The following MGAT4C variants were observed in gnomAD, a reference collection of about 807,000 sequenced individuals.
MGAT4C encodes MGAT4 family member C.
Under a neutral mutation model 40.1 loss-of-function variants are expected in MGAT4C, and 19 were observed. The observed-to-expected ratio is 0.47, with a 90% CI of 0.33 to 0.70. The LOEUF is 0.70. MGAT4C is among the 30% of genes least tolerant of loss of function. The pLI is 0.02. For missense variants in MGAT4C, 491 were observed against 563.2 expected (o/e 0.87, Z 1.30); for synonymous variants, 181 against 187.1 (o/e 0.97, Z 0.27).
chr12:86,498,787 G>A (rs1958285610), intron 2 of MGAT4C, among the ~76,000 whole-genome samples: 1 of 151,928 alleles, frequency 6.6e-6, no homozygotes, highest in Non-Finnish European at 1.5e-5. Flanking sequence ...ACAGGAAAAA[G>A]TGATCTCTCA....
At chr12:86,766,212 G>C (rs1951504863) in intron 1 of MGAT4C, among the ~76,000 whole-genome samples, 1 of 152,094 alleles carries the variant, frequency 6.6e-6, no homozygotes, top group East Asian at 1.9e-4. Context: ...GGCAGGGGTT[G>C]CAATCCTAGT....
chr12:86,355,295 C>T (rs11103938), intron 3 of MGAT4C, among the ~76,000 whole-genome samples: 5,297 of 152,250 alleles, frequency 0.035, 132 homozygotes, highest in Non-Finnish European at 0.047. Context: ...CAGAAATGTT[C>T]TCCAAGTCTC....
chr12:86,584,196 G>C (rs564476936), intron 2 of MGAT4C, among the ~76,000 whole-genome samples: 226 of 150,848 alleles, frequency 1.5e-3, no homozygotes, highest in African/African-American at 5.1e-3. Context: ...ACACAAATGA[G>C]AGATACAGAA....
At chr12:86,229,635 T>C (rs1951234663) in intron 1 of MGAT4C, among the ~76,000 whole-genome samples, 1 of 152,002 alleles carries the variant, frequency 6.6e-6, no homozygotes, top group African/African-American at 2.4e-5. Flanking sequence ...CATAGTTTCT[T>C]GGCCATAAGT....
intron 1 of MGAT4C, among the ~76,000 whole-genome samples, chr12:86,178,260 A>T (rs1887716581): frequency 6.6e-6 from 1 of 152,154 alleles, no homozygotes; most frequent in African/African-American, 2.4e-5. Flanking sequence ...TTGAAAAATA[A>T]TTTCACATTT....
intron 2 of MGAT4C, among the ~76,000 whole-genome samples, chr12:86,540,701 A>G (rs992397831): frequency 6.6e-6 from 1 of 152,070 alleles, no homozygotes; most frequent in Non-Finnish European, 1.5e-5. Flanking sequence ...GCACCACTGC[A>G]CTCCAGCCTG....
At chr12:86,321,511 A>G (rs1239388666) in intron 4 of MGAT4C, among the ~76,000 whole-genome samples, 1 of 152,202 alleles carries the variant, frequency 6.6e-6, no homozygotes, top group Non-Finnish European at 1.5e-5. Flanking sequence ...TAATTTTAAG[A>G]GCTAATGAGT....
At chr12:86,750,107 A>G (rs2136140363) in intron 1 of MGAT4C, among the ~76,000 whole-genome samples, 1 of 151,956 alleles carries the variant, frequency 6.6e-6, no homozygotes, top group South Asian at 2.1e-4. Context: ...TCTTGAGAAG[A>G]GTCTATTAAG....
intron 3 of MGAT4C, among the ~76,000 whole-genome samples, chr12:86,344,760 G>A (rs187760333): frequency 3.2e-5 from 4 of 125,668 alleles, no homozygotes; most frequent in Non-Finnish European, 7.7e-5. Flanking sequence ...GTGTGTATGT[G>A]TGTGTGTGTG....
At chr12:86,342,808 G>T (rs1456508168) in intron 3 of MGAT4C, among the ~76,000 whole-genome samples, 1 of 152,032 alleles carries the variant, frequency 6.6e-6, no homozygotes, top group African/African-American at 2.4e-5. Context: ...AATATTTGAT[G>T]AATGTAACTT....
chr12:86,810,934 CT>C (rs1309401386), intron 1 of MGAT4C, among the ~76,000 whole-genome samples: 1 of 151,086 alleles, frequency 6.6e-6, no homozygotes, highest in Non-Finnish European at 1.5e-5. Flanking sequence ...TGAATATTTC[CT>C]TCCTGCTTTT....
chr12:86,421,276 T>C (rs1176330000), intron 3 of MGAT4C, among the ~76,000 whole-genome samples: 1 of 152,316 alleles, frequency 6.6e-6, no homozygotes, highest in South Asian at 2.1e-4. Context: ...CGGATAATTG[T>C]TCTACCCCTT....
At chr12:86,350,189 T>G (rs1410580655) in intron 3 of MGAT4C, among the ~76,000 whole-genome samples, 1 of 152,062 alleles carries the variant, frequency 6.6e-6, no homozygotes, top group Admixed American at 6.6e-5. Flanking sequence ...AACCCCAGAC[T>G]TTAACATATT....
intron 1 of MGAT4C, among the ~76,000 whole-genome samples, chr12:86,222,804 G>A (rs1421620321): frequency 2.0e-5 from 3 of 152,152 alleles, no homozygotes; most frequent in South Asian, 2.1e-4. Flanking sequence ...GAAGGTTAAT[G>A]TCAAGATTAA....
chr12:86,464,018 G>A (rs1038829845), intron 2 of MGAT4C, among the ~76,000 whole-genome samples: 20 of 152,296 alleles, frequency 1.3e-4, no homozygotes, highest in African/African-American at 4.1e-4. Context: ...GCACCACAGA[G>A]TTAATGTGTT....
At chr12:86,749,483 A>G (rs1951202523) in intron 1 of MGAT4C, among the ~76,000 whole-genome samples, 2 of 151,778 alleles carry the variant, frequency 1.3e-5, no homozygotes, top group Non-Finnish European at 2.9e-5. Context: ...CTTTTAAAAG[A>G]CAGTTCATTG....
chr12:86,766,571 T>C (rs1951512916), intron 1 of MGAT4C, among the ~76,000 whole-genome samples: 2 of 150,754 alleles, frequency 1.3e-5, no homozygotes, highest in Admixed American at 1.3e-4. Flanking sequence ...ATACATTTTT[T>C]TCAGCACCAC....
rs191500203 is a variant in MGAT4C, at chr12:85,982,534, A to G, written c.295+989T>C. Among the ~76,000 whole-genome samples the G allele has an allele frequency of 1.8e-4, 27 of 152,308 alleles. No homozygotes were observed. In the East Asian group the frequency reaches 4.2e-3, roughly 24 times the overall value. On this transcript the variant is annotated intron_variant, in intron 4 of 4. Coordinates refer to ENST00000611864, the MANE Select transcript of MGAT4C (RefSeq NM_001351288.2). ...TTGAAACATTTAAAAATCAGGCTGC[A>G]TACTAAAATCAACAGCGTTATAATT...
At chr12:86,810,862 T>C (rs998533479) in intron 1 of MGAT4C, among the ~76,000 whole-genome samples, 4 of 152,052 alleles carry the variant, frequency 2.6e-5, no homozygotes, top group Admixed American at 6.6e-5. Flanking sequence ...AGTGAAATGA[T>C]TAATGAATGA....
Sources: allele counts gnomAD v4.1 joint callset (sites outside exome capture counted in the v4.1 genomes callset), GRCh38; gene constraint gnomAD v4.1.1; transcripts MANE v1.5; gene names NCBI Gene and HGNC (gene_info 2026-07-23, HGNC 2026-07-21).